ALK: variants seen among roughly 807,000 people sequenced by gnomAD.
ALK encodes the protein ALK receptor tyrosine kinase, also known as ALK tyrosine kinase receptor.
In ALK, 74 loss-of-function variants were observed where a neutral mutation model predicts 163.1. That is an observed-to-expected ratio of 0.45 (90% confidence interval 0.38 to 0.55). The LOEUF is 0.55. Ranked by LOEUF, ALK falls within the 20% of genes least tolerant of loss-of-function variation. The pLI is 0.00. For missense variants in ALK, 2,063 were observed against 2,105.3 expected (o/e 0.98, Z 0.39); for synonymous variants, 960 against 843.2 (o/e 1.14, Z -2.40).
intron 5 of ALK, among the ~76,000 whole-genome samples, chr2:29,331,308 G>T (rs1020141545): frequency 1.3e-5 from 2 of 152,148 alleles, no homozygotes; most frequent in Admixed American, 1.3e-4. Context: ...AACAATACAG[G>T]TTTGGACCCA....
chr2:29,882,682 C>G (rs570518407), intron 1 of ALK, among the ~76,000 whole-genome samples: 1 of 152,196 alleles, frequency 6.6e-6, no homozygotes, highest in Admixed American at 6.5e-5. Context: ...GACAGACAGG[C>G]AACAACAACG....
intron 2 of ALK, among the ~76,000 whole-genome samples, chr2:29,697,107 C>T (rs1322161639): frequency 6.6e-6 from 1 of 151,880 alleles, no homozygotes. Flanking sequence ...AAAGTACTGC[C>T]TATGAAAAAT....
intron 3 of ALK, among the ~76,000 whole-genome samples, chr2:29,559,238 T>C (rs1673948315): frequency 6.6e-6 from 1 of 152,214 alleles, no homozygotes; most frequent in African/African-American, 2.4e-5. Flanking sequence ...ATCCATCTGA[T>C]GGCCTTAGGA....
At chr2:29,741,060 G>A (rs1680045406) in intron 1 of ALK, among the ~76,000 whole-genome samples, 1 of 152,164 alleles carries the variant, frequency 6.6e-6, no homozygotes, top group African/African-American at 2.4e-5. Context: ...AGACATGGAA[G>A]ATACTTAAAT....
intron 5 of ALK, among the ~76,000 whole-genome samples, chr2:29,375,491 T>C (rs1019600215): frequency 1.1e-4 from 17 of 152,068 alleles, no homozygotes. Flanking sequence ...GCTAATTCTT[T>C]GTATTTCAGT....
intron 1 of ALK, among the ~76,000 whole-genome samples, chr2:29,891,763 G>T (rs1667153851): frequency 6.6e-6 from 1 of 152,184 alleles, no homozygotes; most frequent in Non-Finnish European, 1.5e-5. Flanking sequence ...CCAAGCCTAG[G>T]AGCTGAAGGG....
At chr2:29,897,234 C>G (rs1667294150) in intron 1 of ALK, among the ~76,000 whole-genome samples, 1 of 151,968 alleles carries the variant, frequency 6.6e-6, no homozygotes, top group Non-Finnish European at 1.5e-5. Context: ...GCAGGAGAAC[C>G]ACCTGAGGTT....
At chr2:29,754,907 C>T (rs1680470738) in intron 1 of ALK, among the ~76,000 whole-genome samples, 1 of 152,232 alleles carries the variant, frequency 6.6e-6, no homozygotes, top group African/African-American at 2.4e-5. Context: ...TAGAAGTGTT[C>T]AGGACAAAAA....
At chr2:29,846,987 A>G (rs1197250087) in intron 1 of ALK, among the ~76,000 whole-genome samples, 1 of 152,242 alleles carries the variant, frequency 6.6e-6, no homozygotes, top group Non-Finnish European at 1.5e-5. Context: ...ACACGTAAAA[A>G]GGAGCTTGTA....
intron 5 of ALK, among the ~76,000 whole-genome samples, chr2:29,352,983 C>A (rs1371052847): frequency 5.9e-5 from 9 of 151,474 alleles, no homozygotes; most frequent in Non-Finnish European, 1.0e-4. Flanking sequence ...ACAGTAACAG[C>A]CCTTTCCCAA....
intron 3 of ALK, among the ~76,000 whole-genome samples, chr2:29,652,977 C>G (rs1677077196): frequency 6.6e-6 from 1 of 152,076 alleles, no homozygotes; most frequent in Admixed American, 6.6e-5. Context: ...TGGTGAGAAC[C>G]CCAACTTGAA....
intron 1 of ALK, among the ~76,000 whole-genome samples, chr2:29,749,436 C>CA (rs1680294352): frequency 6.6e-6 from 1 of 152,158 alleles, no homozygotes; most frequent in Non-Finnish European, 1.5e-5. Context: ...ACTCAGAGAA[C>CA]AAATACTCCA....
rs1480610402 is a variant in ALK at position 29,323,014 on chromosome 2, ATTG to A, written c.1415-2135_1415-2133del. Among the ~76,000 whole-genome samples, 10 of 152,250 alleles carry A rather than the reference ATTG, an allele frequency of 6.6e-5. No homozygotes were observed. The East Asian group carries it at 1.9e-3, about 29-fold the overall frequency. ...AGAGAACTGAGCCTGGATCATGGGT[ATTG>A]TTAGCACAACAGCACTGGAATCCGG... On this transcript the variant is annotated intron_variant, in intron 6 of 28. Transcript: ENST00000389048.
At chr2:29,637,329 G>C (rs992747950) in intron 3 of ALK, among the ~76,000 whole-genome samples, 4 of 152,112 alleles carry the variant, frequency 2.6e-5, no homozygotes, top group Admixed American at 2.6e-4. Flanking sequence ...GAAAAGCCAA[G>C]TTCAACAGGT....
intron 28 of ALK, 88 bp from the exon 29 acceptor site, chr2:29,194,010 A>C (rs907442877): frequency 7.8e-7 from 1 of 1,281,344 alleles, no homozygotes. Context: ...TTATCTAAAC[A>C]TATTCTACAG....
chr2:29,223,391 A>T lies in ALK; in HGVS notation c.3310T>A (p.Ser1104Thr), dbSNP rs759935726. Residue 1104 changes from serine (S) to threonine (T), a missense_variant, in exon 20 of 29, where the codon TCC becomes ACC. Around this residue, in one of 5 missense-constraint regions of ALK, gnomAD observed 575 missense variants for 626.6 expected, o/e 0.92. Transcript: ENST00000389048. ...GGCACCTCCTTCAGGTCACTGATGG[A>T]GGAGGTCTTGCCAGCAAAGCAGTAG... ...PNYCFAGKTSSISDLKEVPRK... is the reference protein window; with the variant it reads ...PNYCFAGKTSTISDLKEVPRK... 6.2e-7 allele frequency: 1 copy of T among 1,614,128 alleles called. No individual in the cohort carries two copies. Among genetic ancestry groups the T allele is most frequent in the Non-Finnish European group, 8.5e-7 (1 of 1,180,032 alleles).
At chr2:29,758,079 T>G (rs1408340906) in intron 1 of ALK, among the ~76,000 whole-genome samples, 1 of 150,218 alleles carries the variant, frequency 6.7e-6, no homozygotes, top group Admixed American at 6.6e-5. Flanking sequence ...GGCCTGATCT[T>G]GGCTCACTGC....
At chr2:29,403,936 C>G (rs72792447) in intron 4 of ALK, among the ~76,000 whole-genome samples, 1 of 151,604 alleles carries the variant, frequency 6.6e-6, no homozygotes, top group Non-Finnish European at 1.5e-5. Flanking sequence ...TTTATTGACT[C>G]CTGAAGTAAA....
chr2:29,318,938 G>C lies in ALK; in HGVS notation c.1547-534C>G, dbSNP rs548472203. ...GGCTACCACATCCCTGATCTTCCAA[G>C]GTCACCAGCTTTAGCCCATGGCCCA... On this transcript the variant is annotated intron_variant, in intron 7 of 28. Transcript: ENST00000389048. Among the ~76,000 whole-genome samples the C allele has an allele frequency of 2.0e-5, 3 of 152,228 alleles. No homozygotes were observed. In the South Asian group the frequency reaches 6.2e-4, roughly 32 times the overall value.
Sources: allele counts gnomAD v4.1 joint callset (sites outside exome capture counted in the v4.1 genomes callset), GRCh38; gene constraint gnomAD v4.1.1; regional missense constraint gnomAD v4.1.1; transcripts MANE v1.5; gene names NCBI Gene and HGNC (gene_info 2026-07-23, HGNC 2026-07-21).